Variants in KYNU observed in about 807,000 individuals in gnomAD.
The protein encoded by KYNU is L-kynurenine hydrolase.
Under a neutral mutation model 59.2 loss-of-function variants are expected in KYNU, and 54 were observed. That is an observed-to-expected ratio of 0.91 (90% confidence interval 0.73 to 1.14). The LOEUF (loss-of-function observed/expected upper bound fraction) is 1.14, where lower values mean the gene tolerates loss of function less well. KYNU is among the 50% of genes most tolerant of loss of function. The probability of loss-of-function intolerance (pLI) is 0.00; values close to 1 mark genes in which losing one functional copy is unlikely to be tolerated. For missense variants in KYNU, 567 were observed against 554.4 expected (o/e 1.02, Z -0.23); for synonymous variants, 177 against 192.0 (o/e 0.92, Z 0.65).
intron 10 of KYNU, among the ~76,000 whole-genome samples, chr2:142,999,662 C>T (rs1685654388): frequency 6.6e-6 from 1 of 151,946 alleles, no homozygotes; most frequent in Non-Finnish European, 1.5e-5. Context: ...AAAACTTTAG[C>T]TAACCATGTA....
rs116077282 is a variant in KYNU at position 142,988,941 on chromosome 2, A to G, written c.902+2920A>G. 5.1e-4 allele frequency: 760 copies of G among 1,495,902 alleles called. 5 individuals carry two copies. The African/African-American group carries it at 9.4e-3, about 18-fold the overall frequency. The allele number at this position is 1,495,902 out of a possible 1,614,324, so 92.7% of individuals were successfully genotyped here. On this transcript the variant is annotated intron_variant, in intron 10 of 13. Transcript: ENST00000264170. ...TCATCACTTCATTGTCCCTGATAGG[A>G]AAAGAAATGTTTTGCTGAAACTTAA...
chr2:142,990,166 A>G (rs1469504426), intron 10 of KYNU: 1 of 151,822 alleles, frequency 6.6e-6, no homozygotes, highest in East Asian at 1.9e-4. Context: ...CTCTGTCTGT[A>G]CAATAAATTA....
At chr2:142,971,257 T>C (rs1558951630) in intron 8 of KYNU, 1 of 152,152 alleles carries the variant, frequency 6.6e-6, no homozygotes, top group Non-Finnish European at 1.5e-5. Context: ...GAGCCCACCA[T>C]TGAAGCCAAG....
chr2:142,984,367 G>A (rs1346742283), intron 8 of KYNU, among the ~76,000 whole-genome samples: 1 of 151,874 alleles, frequency 6.6e-6, no homozygotes, highest in Non-Finnish European at 1.5e-5. Flanking sequence ...ATTTCCCCTG[G>A]AAACTCTAAT....
At chr2:142,973,436 A>G (rs890609289) in intron 8 of KYNU, among the ~76,000 whole-genome samples, 6 of 152,104 alleles carry the variant, frequency 3.9e-5, no homozygotes, top group East Asian at 1.9e-4. Flanking sequence ...GGAAGCCCCA[A>G]TACACTGGCC....
At chr2:142,981,947 G>T (rs1008420794) in intron 8 of KYNU, among the ~76,000 whole-genome samples, 1 of 151,980 alleles carries the variant, frequency 6.6e-6, no homozygotes, top group Non-Finnish European at 1.5e-5. Context: ...AAGCAGCCAT[G>T]GACAATATTT....
At chr2:143,005,852 G>A (rs1047918805) in intron 10 of KYNU, among the ~76,000 whole-genome samples, 1 of 152,086 alleles carries the variant, frequency 6.6e-6, no homozygotes, top group Non-Finnish European at 1.5e-5. Context: ...AGAAAAGGAT[G>A]GAAAGCAAGG....
chr2:143,005,538 T>A (rs1046867121), intron 10 of KYNU, among the ~76,000 whole-genome samples: 1 of 152,168 alleles, frequency 6.6e-6, no homozygotes. Flanking sequence ...CTCAGTCATA[T>A]GTCAGTAAAT....
chr2:143,043,753 ATATATT>A lies in KYNU; in HGVS notation c.*1593_*1598del, dbSNP rs1002634490. 4.3e-4 allele frequency: 61 copies of A among 142,046 alleles called. No individual in the cohort carries two copies. Among genetic ancestry groups the A allele is most frequent in the Non-Finnish European group, 3.2e-4 (21 of 64,914 alleles). 8.8% of individuals were successfully genotyped at this position (142,046 alleles called of 1,614,324 possible). ...ATATATATAAATATATATACTTTAT[ATATATT>A]TATATTTATATATTTATATATTTAT... On this transcript the variant is annotated 3_prime_UTR_variant, in exon 14 of 14. Coordinates refer to ENST00000264170, the MANE Select transcript of KYNU (RefSeq NM_003937.3).
At chr2:142,878,476 T>C (rs1213216844) in intron 1 of KYNU, among the ~76,000 whole-genome samples, 2 of 152,184 alleles carry the variant, frequency 1.3e-5, no homozygotes, top group East Asian at 1.9e-4. Context: ...TTTTCCTTTT[T>C]TCTTTACTAA....
At chr2:143,036,848 G>A (rs1045063280) in intron 12 of KYNU, among the ~76,000 whole-genome samples, 6 of 152,120 alleles carry the variant, frequency 3.9e-5, no homozygotes, top group African/African-American at 9.7e-5. Flanking sequence ...TTCAATAAAC[G>A]AAAGAAGTAA....
intron 10 of KYNU, among the ~76,000 whole-genome samples, chr2:143,003,415 A>C (rs887626000): frequency 1.3e-5 from 2 of 150,790 alleles, no homozygotes; most frequent in Admixed American, 6.6e-5. Flanking sequence ...AATACAAAAA[A>C]TCATAATAAT....
intron 4 of KYNU, among the ~76,000 whole-genome samples, chr2:142,940,830 A>G (rs1209614001): frequency 6.6e-6 from 1 of 152,206 alleles, no homozygotes; most frequent in Non-Finnish European, 1.5e-5. Context: ...AAATTCAGGG[A>G]TTTCCACAGT....
chr2:143,006,416 A>C (rs1031008389), intron 10 of KYNU, among the ~76,000 whole-genome samples: 1 of 151,134 alleles, frequency 6.6e-6, no homozygotes, highest in African/African-American at 2.4e-5. Flanking sequence ...CGCCCATGGA[A>C]TCTCGCTGAT....
intron 4 of KYNU, among the ~76,000 whole-genome samples, chr2:142,940,257 A>AT (rs961111837): frequency 3.9e-5 from 6 of 152,064 alleles, no homozygotes; most frequent in African/African-American, 1.4e-4. Context: ...TTAGCTGTGA[A>AT]TTTTTTTTCA....
At position 142,960,217 on chromosome 2, in the gene KYNU, A is replaced by G. The variant is rs956067421; in HGVS notation, c.583-407A>G. Among the ~76,000 whole-genome samples, 8 of 152,306 alleles carry G rather than the reference A, an allele frequency of 5.3e-5. No individual in the cohort carries two copies. In the East Asian group the frequency reaches 1.2e-3, roughly 22 times the overall value. ...CTTTTTTTGGAAACAATAACAGGATATCAGATTGATAAATGCAATACCAAT... is the reference window on the plus strand; with the variant it reads ...CTTTTTTTGGAAACAATAACAGGATGTCAGATTGATAAATGCAATACCAAT... On this transcript the variant is annotated intron_variant, in intron 7 of 13. Transcript: ENST00000264170.
chr2:143,022,155 CAG>C (rs1686429118), intron 10 of KYNU, among the ~76,000 whole-genome samples: 1 of 152,040 alleles, frequency 6.6e-6, no homozygotes, highest in Non-Finnish European at 1.5e-5. Context: ...GTTGCTAAAT[CAG>C]AGTTTGACTT....
At chr2:142,909,592 T>C (rs544313151) in intron 2 of KYNU, among the ~76,000 whole-genome samples, 162 of 152,334 alleles carry the variant, frequency 1.1e-3, no homozygotes, top group Middle Eastern at 6.8e-3. Context: ...TTTAAGATAA[T>C]GGCCTCTGGC....
intron 3 of KYNU, among the ~76,000 whole-genome samples, chr2:142,921,122 T>G (rs1324294031): frequency 6.6e-6 from 1 of 152,200 alleles, no homozygotes; most frequent in Non-Finnish European, 1.5e-5. Context: ...AGGGGTAGTT[T>G]GATGAACAGC....
Sources: gnomAD v4.1 joint callset for allele counts (sites outside exome capture counted in the v4.1 genomes callset) on GRCh38, gnomAD v4.1.1 for gene constraint, MANE v1.5 for transcripts, NCBI Gene and HGNC (gene_info 2026-07-23, HGNC 2026-07-21) for gene names.